The following SYT9 variants were observed in gnomAD, a reference collection of about 807,000 sequenced individuals.
SYT9 encodes synaptotagmin 9.
A neutral mutation model predicts 48.4 loss-of-function variants in SYT9; 22 were observed. That is an observed-to-expected ratio of 0.45 (90% CI 0.32 to 0.65). SYT9 has a LOEUF of 0.65. SYT9 is among the 30% of genes least tolerant of loss of function. The probability of loss-of-function intolerance (pLI) is 0.03; values close to 1 mark genes in which losing one functional copy is unlikely to be tolerated. For synonymous variants in SYT9, 265 were observed against 245.0 expected (o/e 1.08, Z -0.76); for missense variants, 577 against 622.0 (o/e 0.93, Z 0.77).
intron 1 of SYT9, among the ~76,000 whole-genome samples, chr11:7,263,969 A>C (rs1848127600): frequency 6.6e-6 from 1 of 152,134 alleles, no homozygotes; most frequent in Admixed American, 6.5e-5. Flanking sequence ...GAGAGGGAAA[A>C]ATGATGTAGA....
chr11:7,338,757 T>A (rs1427262133), intron 3 of SYT9, among the ~76,000 whole-genome samples: 1 of 152,182 alleles, frequency 6.6e-6, no homozygotes, highest in African/African-American at 2.4e-5. Context: ...AGGATTGTTT[T>A]ATGTCTGATC....
intron 1 of SYT9, among the ~76,000 whole-genome samples, chr11:7,246,612 C>T (rs987530238): frequency 6.6e-6 from 1 of 152,162 alleles, no homozygotes; most frequent in African/African-American, 2.4e-5. Context: ...GGATTCCAGT[C>T]CTGTTTCTAT....
chr11:7,407,127 A>G (rs1019157392), intron 3 of SYT9, among the ~76,000 whole-genome samples: 5 of 152,102 alleles, frequency 3.3e-5, no homozygotes, highest in African/African-American at 1.2e-4. Flanking sequence ...GTAGTTTGCA[A>G]GTATTTTCTC....
At chr11:7,264,685 A>G (rs899033744) in intron 1 of SYT9, among the ~76,000 whole-genome samples, 5 of 152,090 alleles carry the variant, frequency 3.3e-5, no homozygotes, top group African/African-American at 4.8e-5. Context: ...TGTTGACATG[A>G]CCACGTCCAG....
At chr11:7,270,442 C>T (rs1848273613) in intron 1 of SYT9, among the ~76,000 whole-genome samples, 1 of 152,144 alleles carries the variant, frequency 6.6e-6, no homozygotes. Flanking sequence ...TAGCCATTCT[C>T]AGTTCAGTGC....
intron 1 of SYT9, among the ~76,000 whole-genome samples, chr11:7,286,035 C>A (rs1348828732): frequency 2.0e-5 from 3 of 152,160 alleles, no homozygotes; most frequent in Admixed American, 1.3e-4. Context: ...TGCAAGCCAT[C>A]AGAGGAGCTA....
intron 6 of SYT9, among the ~76,000 whole-genome samples, chr11:7,432,573 AAAAAAAAAAATATATATACATATAT>A (rs1847611606): frequency 6.2e-4 from 8 of 12,828 alleles, no homozygotes; most frequent in African/African-American, 2.3e-3. Context: ...AAAAAAAAAA[AAAAAAAAAAATATATATACATATAT>A]ATATATATAT....
intron 1 of SYT9, among the ~76,000 whole-genome samples, chr11:7,261,283 T>C (rs1424848810): frequency 6.6e-6 from 1 of 152,084 alleles, no homozygotes; most frequent in African/African-American, 2.4e-5. Flanking sequence ...ATTAAAAGAG[T>C]TTACGCTGAA....
At position 7,416,046 on chromosome 11, in the gene SYT9, A is replaced by T. The variant is rs746312264; in HGVS notation, c.1049A>T (p.Asn350Ile). The change falls in exon 4 of 7, where the codon AAC (asparagine) becomes ATC (isoleucine). Residue 350 changes from asparagine (N) to isoleucine (I), a missense_variant. Asn to Ile is a moderately radical substitution (Grantham distance 149). Coordinates refer to ENST00000318881, the MANE Select transcript of SYT9 (RefSeq NM_175733.4). ...TAGTTTGTGCTTTCTCAACAGGACA[A>T]CGTGGATCTGGGAGAGCTGATGTTT... is the stretch of plus-strand genomic sequence containing the variant. Reference protein sequence around the residue: ...WKDIEYVTNDNVDLGELMFSL... With the variant: ...WKDIEYVTNDIVDLGELMFSL... 6.2e-7 allele frequency: 1 copy of T among 1,614,146 alleles called. No homozygotes were observed. Among genetic ancestry groups the T allele is most frequent in the Non-Finnish European group, 8.5e-7 (1 of 1,179,994 alleles).
chr11:7,360,924 T>C (rs529304330), intron 3 of SYT9, among the ~76,000 whole-genome samples: 1 of 152,262 alleles, frequency 6.6e-6, no homozygotes, highest in Non-Finnish European at 1.5e-5. Flanking sequence ...GATTCTGACG[T>C]TGGTAACTGG....
intron 1 of SYT9, among the ~76,000 whole-genome samples, chr11:7,275,359 G>A (rs1848367922): frequency 6.6e-6 from 1 of 152,128 alleles, no homozygotes; most frequent in Non-Finnish European, 1.5e-5. Context: ...TGTAACTACA[G>A]CCATCAATGA....
intron 3 of SYT9, among the ~76,000 whole-genome samples, chr11:7,358,091 T>C (rs913804716): frequency 1.6e-4 from 24 of 152,026 alleles, no homozygotes; most frequent in African/African-American, 5.8e-4. Flanking sequence ...TTACAAAAAA[T>C]ATACATGTTA....
chr11:7,282,258 G>C (rs183513213), intron 1 of SYT9, among the ~76,000 whole-genome samples: 72 of 152,208 alleles, frequency 4.7e-4, no homozygotes, highest in African/African-American at 1.7e-3. Flanking sequence ...ATATTATAAA[G>C]AACATAACAT....
At chr11:7,378,920 C>T (rs1008571196) in intron 3 of SYT9, among the ~76,000 whole-genome samples, 7 of 152,126 alleles carry the variant, frequency 4.6e-5, no homozygotes, top group African/African-American at 1.7e-4. Flanking sequence ...GTGTTCTTTT[C>T]TTCAAAAGCC....
chr11:7,343,089 T>G (rs1228865500), intron 3 of SYT9, among the ~76,000 whole-genome samples: 1 of 152,200 alleles, frequency 6.6e-6, no homozygotes, highest in East Asian at 1.9e-4. Flanking sequence ...GACCCATTTT[T>G]TATCCTAGGC....
intron 6 of SYT9, among the ~76,000 whole-genome samples, chr11:7,463,640 G>A (rs1199623491): frequency 2.0e-5 from 3 of 152,088 alleles, no homozygotes; most frequent in Admixed American, 1.3e-4. Flanking sequence ...ACCCTATCAC[G>A]ACACCAGATG....
intron 1 of SYT9, among the ~76,000 whole-genome samples, chr11:7,253,367 G>C (rs894114580): frequency 3.3e-5 from 5 of 152,110 alleles, no homozygotes; most frequent in African/African-American, 1.2e-4. Flanking sequence ...ATGAGCTATT[G>C]CCTTGCAAAT....
intron 3 of SYT9, among the ~76,000 whole-genome samples, chr11:7,379,698 A>G (rs1564883239): frequency 6.6e-6 from 1 of 151,986 alleles, no homozygotes. Context: ...TCCTTATGTA[A>G]TCCTGACCCT....
intron 1 of SYT9, among the ~76,000 whole-genome samples, chr11:7,300,913 C>A (rs1028822129): frequency 6.6e-6 from 1 of 152,102 alleles, no homozygotes; most frequent in Non-Finnish European, 1.5e-5. Flanking sequence ...AGGTATAGTT[C>A]CTAGCCCCTT....
Sources: allele counts gnomAD v4.1 joint callset (sites outside exome capture counted in the v4.1 genomes callset), GRCh38; gene constraint gnomAD v4.1.1; transcripts MANE v1.5; gene names NCBI Gene and HGNC (gene_info 2026-07-23, HGNC 2026-07-21).